Variants in SLC25A20 observed in about 807,000 individuals in gnomAD.
The protein encoded by SLC25A20 is solute carrier family 25 member 20.
SLC25A20 carries 29 observed loss-of-function variants against 39.7 expected under a neutral mutation model. The observed-to-expected ratio is 0.73, with a 90% CI of 0.54 to 1.00. SLC25A20 has a LOEUF of 1.00. Ranked by LOEUF, SLC25A20 falls within the 50% of genes least tolerant of loss-of-function variation. The probability of loss-of-function intolerance (pLI) is 0.00; values close to 1 mark genes in which losing one functional copy is unlikely to be tolerated. For missense variants in SLC25A20, 333 were observed against 379.9 expected (o/e 0.88, Z 1.03); for synonymous variants, 103 against 142.2 (o/e 0.72, Z 1.96).
intron 3 of SLC25A20, among the ~76,000 whole-genome samples, chr3:48,883,618 C>CCT (rs2083810005): frequency 2.1e-5 from 2 of 97,356 alleles, no homozygotes; most frequent in African/African-American, 3.9e-5. Flanking sequence ...CACCAAGGTC[C>CCT]TTTTTTTTTT....
intron 4 of SLC25A20, among the ~76,000 whole-genome samples, chr3:48,876,195 TAGTC>T (rs2083755369): frequency 6.6e-6 from 1 of 151,480 alleles, no homozygotes; most frequent in Non-Finnish European, 1.5e-5. Flanking sequence ...ATACAAAAAT[TAGTC>T]AGACGTGGTG....
Position 48,859,197 on chromosome 3 carries a change from T to C in SLC25A20, c.613A>G (p.Ser205Gly). The C allele has an allele frequency of 6.2e-7, 1 of 1,613,650 alleles. No individual in the cohort carries two copies. ...AAGATCCGAGGGGCACTGAGCTCAC[T>C]GACCCTGTATAACACCAACCACAGC... ...NIFTPEGKRVSELSAPRILVA... is the reference protein window; with the variant it reads ...NIFTPEGKRVGELSAPRILVA... Residue 205 changes from serine (S) to glycine (G), a missense_variant, in exon 7 of 9, where the codon AGT becomes GGT. Ser to Gly is a moderately conservative substitution (Grantham distance 56). Coordinates refer to ENST00000319017, the MANE Select transcript of SLC25A20 (RefSeq NM_000387.6).
At chr3:48,891,543 T>G (rs561078941) in intron 2 of SLC25A20, among the ~76,000 whole-genome samples, 30 of 152,204 alleles carry the variant, frequency 2.0e-4, no homozygotes, top group Middle Eastern at 3.4e-3. Flanking sequence ...CTCTAATTTT[T>G]GCATTTTTTG....
At chr3:48,871,705 T>TGTG (rs2083716187) in intron 4 of SLC25A20, among the ~76,000 whole-genome samples, 1 of 148,586 alleles carries the variant, frequency 6.7e-6, no homozygotes, top group African/African-American at 2.5e-5. Context: ...AGGCAGAGGT[T>TGTG]GTGGTGAGCC....
At chr3:48,879,122 C>T (rs2083782420) in intron 4 of SLC25A20, among the ~76,000 whole-genome samples, 2 of 151,980 alleles carry the variant, frequency 1.3e-5, no homozygotes. Flanking sequence ...CCATCCTCCT[C>T]GGCTCCCAAA....
chr3:48,860,616 T>C (rs1388818376), intron 5 of SLC25A20, among the ~76,000 whole-genome samples: 2 of 149,390 alleles, frequency 1.3e-5, no homozygotes, highest in East Asian at 4.1e-4. Context: ...AAAAAAATAA[T>C]AATAATACAA....
At chr3:48,865,752 AAGC>A (rs2083662729) in intron 4 of SLC25A20, among the ~76,000 whole-genome samples, 1 of 149,948 alleles carries the variant, frequency 6.7e-6, no homozygotes, top group South Asian at 2.1e-4. Flanking sequence ...CTGGGAGACA[AAGC>A]GAGACTCTGT....
rs111461389 is a variant in SLC25A20, at chr3:48,898,480, G to A, written c.105+210C>T. Among the ~76,000 whole-genome samples the A allele has an allele frequency of 7.8e-3, 1,188 of 152,366 alleles. 11 individuals are homozygous for A. Among genetic ancestry groups the A allele is most frequent in the African/African-American group, 0.027 (1,132 of 41,592 alleles). On this transcript the variant is annotated intron_variant, in intron 1 of 8. Transcript: ENST00000319017. ...TTTACATCAGAGCTCTTGACAGGCA[G>A]TTAGAGGCTGCTCACTTTGCGCCGC...
intron 4 of SLC25A20, among the ~76,000 whole-genome samples, chr3:48,865,214 G>A (rs757829599): frequency 5.9e-5 from 9 of 151,280 alleles, no homozygotes; most frequent in Non-Finnish European, 1.2e-4. Context: ...TGCAACCTCC[G>A]CCTCCTGGGT....
At chr3:48,874,510 A>G (rs1360474605) in intron 4 of SLC25A20, among the ~76,000 whole-genome samples, 1 of 152,102 alleles carries the variant, frequency 6.6e-6, no homozygotes, top group Non-Finnish European at 1.5e-5. Context: ...GTAAAACTCA[A>G]CAATTGCATT....
rs1297167053 is a variant in SLC25A20, at chr3:48,867,196, C to T, written c.418-4537G>A. Among the ~76,000 whole-genome samples the T allele has an allele frequency of 2.0e-5, 3 of 152,000 alleles. No homozygotes were observed. In the East Asian group the frequency reaches 5.8e-4, roughly 29 times the overall value. Reference sequence around the variant, plus strand: ...GGCTTGGGTGATCCATATACCTCAGCTTCCAAAAGTGCTGAGATTATAGGT... The same window carrying T: ...GGCTTGGGTGATCCATATACCTCAGTTTCCAAAAGTGCTGAGATTATAGGT... On this transcript the variant is annotated intron_variant, in intron 4 of 8. Coordinates refer to ENST00000319017, the MANE Select transcript of SLC25A20 (RefSeq NM_000387.6).
Position 48,859,417 on chromosome 3 carries a change from G to A in SLC25A20, c.608+138C>T, listed in dbSNP as rs932115206. Reference sequence around the variant, plus strand: ...CTGAGGCACAGAGTAAGAAGAGCTAGCTGGACCTCAGCAGCCACAAGAGGA... The same window carrying A: ...CTGAGGCACAGAGTAAGAAGAGCTAACTGGACCTCAGCAGCCACAAGAGGA... On this transcript the variant is annotated intron_variant, in intron 6 of 8. Transcript: ENST00000319017. 3.4e-6 allele frequency: 3 copies of A among 876,082 alleles called. No homozygotes were observed. The African/African-American group carries it at 4.9e-5, about 14-fold the overall frequency. 54.3% of individuals were successfully genotyped at this position (876,082 alleles called of 1,614,324 possible).
intron 4 of SLC25A20, among the ~76,000 whole-genome samples, chr3:48,878,685 G>A (rs1028664958): frequency 2.0e-5 from 3 of 149,756 alleles, no homozygotes; most frequent in African/African-American, 7.4e-5. Flanking sequence ...CTGCAATCTC[G>A]TCTACTCAGG....
At chr3:48,859,314 G>A (rs2083605237) in intron 6 of SLC25A20, 113 bp from the exon 7 acceptor site, 2 of 1,007,436 alleles carry the variant, frequency 2.0e-6, no homozygotes, top group Admixed American at 1.9e-5. Context: ...TGGTTGGAGG[G>A]AGGAGGTATA....
intron 8 of SLC25A20, 76 bp downstream of exon 8, chr3:48,858,431 G>C: frequency 1.2e-6 from 2 of 1,605,890 alleles, no homozygotes; most frequent in South Asian, 2.2e-5. Flanking sequence ...TCCTATCCCA[G>C]GAACAAGCAA....
In SLC25A20 at chr3:48,862,524, G is replaced by A. The variant is rs182781221; in HGVS notation, c.535+18C>T. The A allele has an allele frequency of 1.3e-4, 206 of 1,546,450 alleles. No individual in the cohort carries two copies. The African/African-American group carries it at 2.4e-3, about 18-fold the overall frequency. On this transcript the variant is annotated intron_variant, in intron 5 of 8. Coordinates refer to ENST00000319017, the MANE Select transcript of SLC25A20 (RefSeq NM_000387.6). The stretch of plus-strand genomic sequence containing the variant: ...GTGACCTCCCCAGGTGACCTCAAGT[G>A]GAGGCCTGAAAGGTTACCTCGCATA...
At chr3:48,858,673 A>C (rs1356645059) in intron 7 of SLC25A20, 42 bp from the exon 8 acceptor site, 1 of 1,613,860 alleles carries the variant, frequency 6.2e-7, no homozygotes, top group Non-Finnish European at 8.5e-7. Flanking sequence ...AGGAAGGAGA[A>C]ACTAGCAGTT....
intron 1 of SLC25A20, among the ~76,000 whole-genome samples, chr3:48,894,181 G>C (rs1438131051): frequency 1.5e-5 from 1 of 65,124 alleles, no homozygotes; most frequent in African/African-American, 7.3e-5. Context: ...AAAAGAAGAA[G>C]ATTCTCTCTC....
chr3:48,888,023 C>A (rs573068891), intron 2 of SLC25A20, among the ~76,000 whole-genome samples: 1 of 150,656 alleles, frequency 6.6e-6, no homozygotes, highest in East Asian at 2.0e-4. Context: ...AGCTGGCCAA[C>A]ATGGCAAAAC....
Sources: allele counts gnomAD v4.1 joint callset (sites outside exome capture counted in the v4.1 genomes callset), GRCh38; gene constraint gnomAD v4.1.1; transcripts MANE v1.5; gene names NCBI Gene and HGNC (gene_info 2026-07-23, HGNC 2026-07-21).